The following NRXN3 variants were observed in gnomAD, a reference collection of about 807,000 sequenced individuals.
The protein encoded by NRXN3 is neurexin III.
Under a neutral mutation model 137.6 loss-of-function variants are expected in NRXN3, and 32 were observed. The ratio of observed to expected loss-of-function variants is 0.23; its 90% CI spans 0.18 to 0.31. The LOEUF is 0.31. Ranked by LOEUF, NRXN3 falls within the 10% of genes least tolerant of loss-of-function variation. The probability of loss-of-function intolerance (pLI) is 1.00; values close to 1 mark genes in which losing one functional copy is unlikely to be tolerated. For missense variants in NRXN3, 1,574 were observed against 2,062.5 expected, an observed-to-expected ratio of 0.76 and a Z score of 4.59; for synonymous variants, 798 against 784.5, an observed-to-expected ratio of 1.02 and a Z score of -0.29.
chr14:79,721,825 G>A (rs542763022), intron 19 of NRXN3, among the ~76,000 whole-genome samples: 81 of 152,208 alleles, frequency 5.3e-4, no homozygotes, highest in African/African-American at 1.9e-3. Context: ...TTGGATTAAA[G>A]CAAGAGGTAG....
intron 15 of NRXN3, among the ~76,000 whole-genome samples, chr14:79,444,249 C>T (rs1288536709): frequency 6.6e-6 from 1 of 152,140 alleles, no homozygotes; most frequent in African/African-American, 2.4e-5. Context: ...TTGACTCTTT[C>T]ACTGCCATAT....
At chr14:78,475,118 T>C (rs182917604) in intron 4 of NRXN3, among the ~76,000 whole-genome samples, 2 of 152,256 alleles carry the variant, frequency 1.3e-5, no homozygotes, top group East Asian at 3.9e-4. Context: ...GTGGGTGACA[T>C]ATAAGGGGTA....
intron 10 of NRXN3, among the ~76,000 whole-genome samples, chr14:78,940,879 A>G (rs971771194): frequency 1.3e-5 from 2 of 152,194 alleles, no homozygotes; most frequent in South Asian, 4.1e-4. Context: ...CTTGTCTTCC[A>G]CTGGTCCCAA....
In NRXN3 at chr14:78,524,836, A is replaced by G. The variant is rs549155295; in HGVS notation, c.758-120284A>G. On this transcript the variant is annotated intron_variant, in intron 4 of 20. Transcript: ENST00000335750. The stretch of plus-strand genomic sequence containing the variant: ...TTTAAAATGGCATCAGAGTGAATCA[A>G]ATCACATTAACCTGAGATGGTGGGC... Among the ~76,000 whole-genome samples the G allele has an allele frequency of 1.4e-3, 208 of 152,290 alleles. 1 individual carries two copies. Among genetic ancestry groups the G allele is most frequent in the African/African-American group, 4.9e-3 (204 of 41,564 alleles).
chr14:79,487,472 T>C (rs1033727407), intron 16 of NRXN3, among the ~76,000 whole-genome samples: 3 of 152,138 alleles, frequency 2.0e-5, no homozygotes, highest in African/African-American at 7.2e-5. Flanking sequence ...CAGTGTCTCG[T>C]ATCAAACTGC....
At chr14:78,562,001 A>T (rs2096790566) in intron 4 of NRXN3, among the ~76,000 whole-genome samples, 1 of 152,228 alleles carries the variant, frequency 6.6e-6, no homozygotes, top group African/African-American at 2.4e-5. Context: ...TCTGCAATGT[A>T]TCCTTGACAT....
intron 19 of NRXN3, among the ~76,000 whole-genome samples, chr14:79,725,257 C>T (rs191035039): frequency 6.6e-6 from 1 of 152,134 alleles, no homozygotes; most frequent in Admixed American, 6.6e-5. Flanking sequence ...TAGATTGATA[C>T]ATGTCTGACA....
chr14:78,404,814 T>C (rs1567495594), intron 4 of NRXN3, among the ~76,000 whole-genome samples: 1 of 152,208 alleles, frequency 6.6e-6, no homozygotes, highest in Non-Finnish European at 1.5e-5. Context: ...TAATGTTGAT[T>C]GGTAGATAAT....
rs2076476141 is a variant in NRXN3, at chr14:78,297,624, G to C, written c.728-207G>C. Among the ~76,000 whole-genome samples the C allele has an allele frequency of 3.3e-5, 5 of 152,202 alleles. 1 individual carries two copies. The South Asian group carries it at 1.0e-3, about 32-fold the overall frequency. On this transcript the variant is annotated intron_variant, in intron 3 of 20. Coordinates refer to ENST00000335750, the MANE Select transcript of NRXN3 (RefSeq NM_001330195.2). ...AAGCCAGGCTTTCTGCCCAGCAGCA[G>C]GAAGGCTGGGGTGTCCATGTTTGTT...
At chr14:79,430,078 T>G (rs975458780) in intron 15 of NRXN3, among the ~76,000 whole-genome samples, 1 of 152,324 alleles carries the variant, frequency 6.6e-6, no homozygotes, top group East Asian at 1.9e-4. Context: ...TCTATCAGTA[T>G]GTACAGTAAA....
chr14:78,338,463 T>C (rs567021957), intron 4 of NRXN3, among the ~76,000 whole-genome samples: 1 of 152,232 alleles, frequency 6.6e-6, no homozygotes, highest in East Asian at 1.9e-4. Flanking sequence ...TGGGGACTCT[T>C]CCTTATCAAT....
intron 15 of NRXN3, among the ~76,000 whole-genome samples, chr14:79,209,507 C>G (rs1358518505): frequency 6.6e-6 from 1 of 152,184 alleles, no homozygotes; most frequent in Non-Finnish European, 1.5e-5. Flanking sequence ...TCCCTGTTGT[C>G]ACTGAGATCA....
At chr14:78,190,775 G>A (rs2060653383) in intron 1 of NRXN3, among the ~76,000 whole-genome samples, 1 of 152,092 alleles carries the variant, frequency 6.6e-6, no homozygotes, top group Non-Finnish European at 1.5e-5. Flanking sequence ...CCGGGTTCAG[G>A]TGATTCTCGT....
chr14:79,558,803 G>T (rs1206699807), intron 16 of NRXN3, among the ~76,000 whole-genome samples: 1 of 152,112 alleles, frequency 6.6e-6, no homozygotes, highest in African/African-American at 2.4e-5. Flanking sequence ...CCTTCGTCCA[G>T]CAGAAGACTG....
In NRXN3 at chr14:79,105,836, A is replaced by G. The variant is rs139523697; in HGVS notation, c.3262+117695A>G. ...ACAAGAGTGAAAGTAAGAGATTTAA[A>G]ATAGGTTCTCAACTCCTGATAAAAA... On this transcript the variant is annotated intron_variant, in intron 15 of 20. Coordinates refer to ENST00000335750, the MANE Select transcript of NRXN3 (RefSeq NM_001330195.2). 1.6e-3 allele frequency among the ~76,000 whole-genome samples: 237 copies of G among 152,252 alleles called. 1 individual carries two copies. Among genetic ancestry groups the G allele is most frequent in the African/African-American group, 5.5e-3 (230 of 41,546 alleles).
At chr14:78,209,827 C>T (rs942001640) in intron 1 of NRXN3, among the ~76,000 whole-genome samples, 7 of 152,184 alleles carry the variant, frequency 4.6e-5, no homozygotes, top group Non-Finnish European at 7.4e-5. Flanking sequence ...TTTTAAATTG[C>T]AGTCCTCTCC....
chr14:79,126,729 G>T (rs1195182421), intron 15 of NRXN3, among the ~76,000 whole-genome samples: 8 of 151,632 alleles, frequency 5.3e-5, no homozygotes, highest in South Asian at 2.1e-4. Context: ...TTCTAGTTCT[G>T]GATCCCTGAG....
intron 12 of NRXN3, 39 bp from the exon 13 acceptor site, chr14:78,967,169 G>T: frequency 1.3e-6 from 2 of 1,568,226 alleles, no homozygotes; most frequent in South Asian, 1.2e-5. Context: ...CCACTTCGGG[G>T]ATTTTCCAAT....
chr14:79,753,519 A>G (rs1325731301), intron 19 of NRXN3, among the ~76,000 whole-genome samples: 1 of 138,022 alleles, frequency 7.2e-6, no homozygotes, highest in African/African-American at 2.7e-5. Flanking sequence ...GAATTGAACA[A>G]TGAAAACACA....
Sources: gnomAD v4.1 joint callset for allele counts (sites outside exome capture counted in the v4.1 genomes callset) on GRCh38, gnomAD v4.1.1 for gene constraint, MANE v1.5 for transcripts, NCBI Gene and HGNC (gene_info 2026-07-23, HGNC 2026-07-21) for gene names.